The following GC variants were observed in gnomAD, a reference collection of about 807,000 sequenced individuals.
GC encodes vitamin D-binding protein.
A neutral mutation model predicts 56.7 loss-of-function variants in GC; 43 were observed. The ratio of observed to expected loss-of-function variants is 0.76; its 90% CI spans 0.59 to 0.98. GC has a LOEUF of 0.98. Among genes scored for constraint, GC ranks in the 50% least tolerant of loss-of-function variants. The pLI is 0.00. For missense variants in GC, 529 were observed against 545.9 expected (o/e 0.97, Z 0.31); for synonymous variants, 216 against 202.7 (o/e 1.07, Z -0.56).
intron 1 of GC, among the ~76,000 whole-genome samples, chr4:71,799,063 C>T (rs781759885): frequency 1.6e-4 from 24 of 152,052 alleles, no homozygotes; most frequent in Admixed American, 7.2e-4. Context: ...CCCGTAGTTC[C>T]CCCTTTTGGC....
intron 1 of GC, among the ~76,000 whole-genome samples, chr4:71,791,684 T>A (rs1742971532): frequency 6.6e-6 from 1 of 152,040 alleles, no homozygotes; most frequent in Non-Finnish European, 1.5e-5. Flanking sequence ...TTTTTTTTAA[T>A]ACCTTCAGTT....
chr4:71,753,494 AAAAG>A (rs1233774485), intron 10 of GC, among the ~76,000 whole-genome samples: 3 of 151,644 alleles, frequency 2.0e-5, no homozygotes, highest in East Asian at 1.9e-4. Context: ...CAAAAAAAAA[AAAAG>A]AAAGTTGGGG....
At chr4:71,753,164 A>T (rs1741610411) in intron 10 of GC, among the ~76,000 whole-genome samples, 1 of 151,990 alleles carries the variant, frequency 6.6e-6, no homozygotes, top group Non-Finnish European at 1.5e-5. Flanking sequence ...CGAACTCTCC[A>T]TTTCTCTTTC....
rs142365599 is a variant in GC, at chr4:71,799,533, C to T, written c.21+4393G>A. ...TAAATCCTGATTGCTCTTGCTTTGG[C>T]AGGAGTCCTAGGTCAGGAGAGGTAA... is the stretch of plus-strand genomic sequence containing the variant. On this transcript the variant is annotated intron_variant, in intron 1 of 13. Transcript: ENST00000504199. Among the ~76,000 whole-genome samples the T allele has an allele frequency of 5.8e-3, 884 of 152,272 alleles. 5 individuals are homozygous for T. The highest frequency in any genetic ancestry group is 0.019 in the African/African-American group (795 of 41,562).
At position 71,746,310 on chromosome 4, in the gene GC, C is replaced by T. The variant is rs540956250; in HGVS notation, c.1396-105G>A. On this transcript the variant is annotated intron_variant, in intron 11 of 12. Coordinates refer to ENST00000273951, the MANE Select transcript of GC (RefSeq NM_000583.4). ...AATCTTGAAACCTTGGTTAGGGGAG[C>T]GGATTCTTGCCAAGATGCAATGTTA... 5.9e-5 allele frequency: 34 copies of T among 574,172 alleles called. 1 individual carries two copies. The highest frequency in any genetic ancestry group is 3.1e-4 in the South Asian group (12 of 38,694). The allele number at this position is 574,172 out of a possible 1,614,324, so 35.6% of individuals were successfully genotyped here. A position where few individuals can be genotyped will look rare whatever the true frequency, so the allele number is the denominator to read the frequency against.
intron 1 of GC, among the ~76,000 whole-genome samples, chr4:71,796,733 G>A (rs1743115540): frequency 6.6e-6 from 1 of 152,176 alleles, no homozygotes; most frequent in South Asian, 2.1e-4. Flanking sequence ...ATCCTTTGGA[G>A]GAGAAGAGGT....
At chr4:71,763,556 T>TATAA in intron 5 of GC, 54 bp from the exon 6 acceptor site, 1 of 1,048,838 alleles carries the variant, frequency 9.5e-7, no homozygotes, top group South Asian at 1.4e-5. Context: ...TTGAATACTG[T>TATAA]ATAAATGGCA....
chr4:71,749,829 C>G (rs2149293765), intron 11 of GC, among the ~76,000 whole-genome samples: 1 of 152,232 alleles, frequency 6.6e-6, no homozygotes, highest in South Asian at 2.1e-4. Context: ...AAAGAAAAGG[C>G]TTTTATTCTA....
intron 1 of GC, among the ~76,000 whole-genome samples, chr4:71,783,261 T>C (rs1235841888): frequency 6.6e-6 from 1 of 151,776 alleles, no homozygotes; most frequent in African/African-American, 2.4e-5. Context: ...TTGAAGCTAA[T>C]GATGAAAAGT....
At chr4:71,774,028 G>A (rs116227886) in intron 1 of GC, among the ~76,000 whole-genome samples, 1 of 151,896 alleles carries the variant, frequency 6.6e-6, no homozygotes, top group Non-Finnish European at 1.5e-5. Context: ...TTATTGAGCT[G>A]GTTTAGGAAG....
chr4:71,800,391 T>C (rs189348838), intron 1 of GC, among the ~76,000 whole-genome samples: 265 of 152,318 alleles, frequency 1.7e-3, no homozygotes, highest in African/African-American at 6.1e-3. Context: ...ATCATACATG[T>C]CCCTGCGAAG....
chr4:71,750,947 T>A (rs866760805), intron 11 of GC, among the ~76,000 whole-genome samples: 3 of 152,184 alleles, frequency 2.0e-5, no homozygotes, highest in Admixed American at 6.5e-5. Flanking sequence ...TGGCATGAAA[T>A]CATTTAACCT....
At chr4:71,782,122 G>A (rs1742700220) in intron 1 of GC, among the ~76,000 whole-genome samples, 1 of 151,442 alleles carries the variant, frequency 6.6e-6, no homozygotes, top group Admixed American at 6.6e-5. Context: ...TCTTTTCAAG[G>A]TAAGTCTTGA....
At chr4:71,781,276 C>T (rs1302107455) in intron 1 of GC, among the ~76,000 whole-genome samples, 1 of 151,774 alleles carries the variant, frequency 6.6e-6, no homozygotes, top group East Asian at 1.9e-4. Context: ...AGGAGAAATA[C>T]CTAATGTAAA....
At chr4:71,761,762 G>C (rs1741983163) in intron 6 of GC, among the ~76,000 whole-genome samples, 1 of 152,204 alleles carries the variant, frequency 6.6e-6, no homozygotes. Context: ...GCTTCAGAGA[G>C]TGTAAGCCTC....
chr4:71,787,042 G>T (rs2149307868), upstream of GC, among the ~76,000 whole-genome samples: 1 of 151,942 alleles, frequency 6.6e-6, no homozygotes, highest in East Asian at 1.9e-4. Flanking sequence ...AGCTATGATT[G>T]ACTTCCATGA....
At chr4:71,746,772 T>A (rs895294924) in intron 11 of GC, among the ~76,000 whole-genome samples, 17 of 100,654 alleles carry the variant, frequency 1.7e-4, no homozygotes, top group East Asian at 3.3e-4. Flanking sequence ...CTCTATTTTG[T>A]AAAAAAAAAA....
At chr4:71,797,655 G>A (rs1743140067) in intron 1 of GC, among the ~76,000 whole-genome samples, 1 of 152,212 alleles carries the variant, frequency 6.6e-6, no homozygotes, top group African/African-American at 2.4e-5. Flanking sequence ...CCCTGCTTTG[G>A]CTCGCCCTCC....
At chr4:71,794,234 C>T (rs1743037925) in intron 1 of GC, among the ~76,000 whole-genome samples, 1 of 152,174 alleles carries the variant, frequency 6.6e-6, no homozygotes, top group African/African-American at 2.4e-5. Context: ...AGGAATGGTA[C>T]CAGCTCCTCT....
Sources: allele counts gnomAD v4.1 joint callset (sites outside exome capture counted in the v4.1 genomes callset), GRCh38; gene constraint gnomAD v4.1.1; transcripts MANE v1.5; gene names NCBI Gene and HGNC (gene_info 2026-07-23, HGNC 2026-07-21).